The following ANKRD30A variants were observed in gnomAD, a reference collection of about 807,000 sequenced individuals.
ANKRD30A encodes ankyrin repeat domain 30A, also known as ankyrin repeat domain-containing protein 30A.
ANKRD30A carries 170 observed loss-of-function variants against 166.3 expected under a neutral mutation model. The ratio of observed to expected loss-of-function variants is 1.02; its 90% confidence interval spans 0.90 to 1.16. ANKRD30A has a LOEUF of 1.16. ANKRD30A is among the 50% of genes most tolerant of loss of function. The probability of loss-of-function intolerance (pLI) is 0.00; values close to 1 mark genes in which losing one functional copy is unlikely to be tolerated. For synonymous variants in ANKRD30A, 564 were observed against 508.9 expected (o/e 1.11, Z -1.46); for missense variants, 1,630 against 1,518.0 (o/e 1.07, Z -1.23).
the ANKRD30A span, among the ~76,000 whole-genome samples, chr10:37,242,568 C>A: frequency 6.6e-6 from 1 of 152,024 alleles, no homozygotes; most frequent in Admixed American, 6.6e-5. Flanking sequence ...TAATATTTTT[C>A]AAAGCTTTTT....
rs1181576259 is a variant in ANKRD30A at position 37,216,496 on chromosome 10, GAAA to G, written c.3083+107_3083+109del. 1.3e-5 allele frequency: 15 copies of G among 1,125,896 alleles called. 1 individual carries two copies. The highest frequency in any genetic ancestry group is 1.9e-5 in the Non-Finnish European group (15 of 808,280). 69.7% of individuals were successfully genotyped at this position (1,125,896 alleles called of 1,614,324 possible). A position where few individuals can be genotyped will look rare whatever the true frequency, so the allele number is the denominator to read the frequency against. Reference sequence around the variant, plus strand: ...ACTTACCTTCTGAGGTTTTACTGGAGAAAAAAATGTCTGTCTTGTAGAGTGTCA... The same window carrying G: ...ACTTACCTTCTGAGGTTTTACTGGAGAAAATGTCTGTCTTGTAGAGTGTCA... On this transcript the variant is annotated intron_variant, in intron 32 of 35. Coordinates refer to ENST00000361713, the MANE Select transcript of ANKRD30A (RefSeq NM_052997.3).
intron 6 of ANKRD30A, among the ~76,000 whole-genome samples, chr10:37,140,434 G>A (rs1323420011): frequency 6.6e-6 from 1 of 152,174 alleles, no homozygotes; most frequent in East Asian, 1.9e-4. Flanking sequence ...ATTTTCCAAA[G>A]ATACCTACTG....
At chr10:37,194,338 C>T (rs531180221) in intron 27 of ANKRD30A, among the ~76,000 whole-genome samples, 2 of 151,580 alleles carry the variant, frequency 1.3e-5, no homozygotes, top group Middle Eastern at 3.4e-3. Context: ...GCATTTCTTT[C>T]TTCAGTTTTT....
Position 37,141,938 on chromosome 10 carries a change from T to C in ANKRD30A, c.1041T>C (p.Ser347=), listed in dbSNP as rs1446521891. ...DKIQCLEKAT[S]GKFEQSAEET... is the part of the protein sequence containing the mutation. ...TTCAATGTTTGGAGAAAGCGACATCTGGAAAGTTCGAACAGTCAGCAGAAG... is the reference window on the plus strand; with the variant it reads ...TTCAATGTTTGGAGAAAGCGACATCCGGAAAGTTCGAACAGTCAGCAGAAG... Residue 347 remains serine (S), a synonymous_variant, in exon 7 of 36, where the codon TCT becomes TCC. Transcript: ENST00000361713. 1 of 1,614,096 alleles carries C rather than the reference T, an allele frequency of 6.2e-7. No homozygotes were observed. Among genetic ancestry groups the C allele is most frequent in the African/African-American group, 1.3e-5 (1 of 74,934 alleles).
the ANKRD30A span, among the ~76,000 whole-genome samples, chr10:37,259,030 G>A: frequency 1.3e-5 from 2 of 148,672 alleles, no homozygotes; most frequent in Admixed American, 6.7e-5. Context: ...CACTGGAGTT[G>A]ACAAAAATTT....
intron 15 of ANKRD30A, among the ~76,000 whole-genome samples, chr10:37,160,655 T>C (rs1393397211): frequency 1.3e-5 from 2 of 152,178 alleles, no homozygotes; most frequent in Non-Finnish European, 2.9e-5. Flanking sequence ...ATTTTGTTTA[T>C]AATGAAAAGA....
intron 6 of ANKRD30A, among the ~76,000 whole-genome samples, chr10:37,140,512 C>T (rs1045851460): frequency 2.2e-4 from 34 of 152,086 alleles, no homozygotes; most frequent in African/African-American, 7.7e-4. Flanking sequence ...CTTGTACCAA[C>T]AAGGTCTCAC....
intron 27 of ANKRD30A, among the ~76,000 whole-genome samples, chr10:37,196,507 A>T (rs865831028): frequency 1.3e-5 from 2 of 152,182 alleles, no homozygotes; most frequent in East Asian, 1.9e-4. Flanking sequence ...AATTGTAGGA[A>T]CTGTAAAAAT....
At chr10:37,165,043 T>G (rs369197663) in intron 17 of ANKRD30A, 51 bp from the exon 18 acceptor site, 30 of 1,553,608 alleles carry the variant, frequency 1.9e-5, no homozygotes, top group Non-Finnish European at 2.4e-5. Flanking sequence ...TTTTTAAAAT[T>G]TTTAGTAGAG....
the ANKRD30A span, chr10:37,264,457 T>C: frequency 5.1e-6 from 1 of 196,830 alleles, no homozygotes; most frequent in Non-Finnish European, 1.1e-5. Context: ...AGGGATTCTG[T>C]AGTGGGTGGA....
rs754067827 is a variant in ANKRD30A, at chr10:37,159,268, G to C, written c.1900+682G>C. Among the ~76,000 whole-genome samples, 97 of 152,110 alleles carry C rather than the reference G, an allele frequency of 6.4e-4. 1 individual carries two copies. The highest frequency in any genetic ancestry group is 6.5e-4 in the Non-Finnish European group (44 of 68,026). On this transcript the variant is annotated intron_variant, in intron 15 of 35. Coordinates refer to ENST00000361713, the MANE Select transcript of ANKRD30A (RefSeq NM_052997.3). Reference sequence around the variant, plus strand: ...ATGGTGACACGTGCCTGTAATCCTAGCATTTTGGGAGACAAAGGCGGGCAG... The same window carrying C: ...ATGGTGACACGTGCCTGTAATCCTACCATTTTGGGAGACAAAGGCGGGCAG...
rs775115762 is a variant in ANKRD30A, at chr10:37,216,254, C to G, written c.2943C>G (p.His981Gln). Residue 981 changes from histidine to glutamine, a missense_variant, in exon 32 of 36, where the codon CAC (histidine) becomes CAG (glutamine). Physicochemically the swap from His to Gln is conservative, Grantham distance 24. This residue lies in a region of ANKRD30A where 712 missense variants were observed against 629.3 expected (regional missense o/e 1.13). Transcript: ENST00000361713. The part of the protein sequence containing the change: ...CERARELQKD[H>Q]CEQRTGKMEQ... ...GAGCAAGGGAACTTCAAAAAGATCA[C>G]TGTGAACAACGTACAGGAAAAATGG... The G allele has an allele frequency of 6.2e-7, 1 of 1,608,272 alleles. No homozygotes were observed. Among genetic ancestry groups the G allele is most frequent in the East Asian group, 2.2e-5 (1 of 44,632 alleles).
chr10:37,204,190 A>G (rs1841836164), intron 31 of ANKRD30A, among the ~76,000 whole-genome samples: 1 of 152,218 alleles, frequency 6.6e-6, no homozygotes, highest in East Asian at 1.9e-4. Context: ...GACGATCCTA[A>G]GCCAAAATAA....
intron 6 of ANKRD30A, among the ~76,000 whole-genome samples, chr10:37,138,105 C>G (rs552259094): frequency 1.1e-4 from 17 of 152,254 alleles, no homozygotes; most frequent in African/African-American, 3.9e-4. Flanking sequence ...ACTGCTGATA[C>G]CCAGGCAAAC....
At chr10:37,135,837 A>G (rs747179946) in intron 5 of ANKRD30A, among the ~76,000 whole-genome samples, 3 of 152,242 alleles carry the variant, frequency 2.0e-5, no homozygotes, top group Non-Finnish European at 4.4e-5. Context: ...ATTATAAAAT[A>G]GCTTAGATGC....
the ANKRD30A span, among the ~76,000 whole-genome samples, chr10:37,246,348 A>C: frequency 1.1e-4 from 16 of 152,322 alleles, no homozygotes; most frequent in African/African-American, 3.4e-4. Flanking sequence ...TTTGTCCGAT[A>C]AACTGAACTT....
At chr10:37,132,472 T>G (rs1836436561) in intron 4 of ANKRD30A, 126 bp downstream of exon 4, 2 of 557,784 alleles carry the variant, frequency 3.6e-6, no homozygotes, top group Non-Finnish European at 5.9e-6. Context: ...CAATACAGAT[T>G]ATCAGAAGAA....
Position 37,158,520 on chromosome 10 carries a change from T to G in ANKRD30A, c.1834T>G (p.Cys612Gly), listed in dbSNP as rs1481622281. 6.2e-7 allele frequency: 1 copy of G among 1,613,598 alleles called. No individual in the cohort carries two copies. The highest frequency in any genetic ancestry group is 8.5e-7 in the Non-Finnish European group (1 of 1,179,722). Reference sequence around the variant, plus strand: ...TGTTTCCAAACCCATTTAGGCTACCTGCGGAATGAAAGTTTCTATTCCAAC... The same window carrying G: ...TGTTTCCAAACCCATTTAGGCTACCGGCGGAATGAAAGTTTCTATTCCAAC... Reference protein sequence around the residue: ...PNKDGLLKATCGMKVSIPTKA... With the variant: ...PNKDGLLKATGGMKVSIPTKA... Residue 612 changes from cysteine to glycine, a missense_variant, in exon 15 of 36, where the codon TGC becomes GGC. Around this residue, in one of 4 missense-constraint regions of ANKRD30A, gnomAD observed 904 missense variants for 818.5 expected, o/e 1.10. Coordinates refer to ENST00000361713, the MANE Select transcript of ANKRD30A (RefSeq NM_052997.3).
chr10:37,190,184 A>T (rs1840419804), intron 25 of ANKRD30A, among the ~76,000 whole-genome samples: 1 of 151,844 alleles, frequency 6.6e-6, no homozygotes, highest in African/African-American at 2.4e-5. Context: ...AGGTTTTCAA[A>T]CTTTAGAAAG....
Sources: allele counts gnomAD v4.1 joint callset (sites outside exome capture counted in the v4.1 genomes callset), GRCh38; gene constraint gnomAD v4.1.1; regional missense constraint gnomAD v4.1.1; transcripts MANE v1.5; gene names NCBI Gene and HGNC (gene_info 2026-07-23, HGNC 2026-07-21).